SEC23B: variants seen among roughly 807,000 people sequenced by gnomAD.
SEC23B encodes protein transport protein Sec23B.
Under a neutral mutation model 104.3 loss-of-function variants are expected in SEC23B, and 77 were observed. The ratio of observed to expected loss-of-function variants is 0.74; its 90% confidence interval spans 0.61 to 0.89. The LOEUF (loss-of-function observed/expected upper bound fraction) is 0.89, where lower values mean the gene tolerates loss of function less well. Among genes scored for constraint, SEC23B ranks in the 40% least tolerant of loss-of-function variants. The pLI, the probability that SEC23B is intolerant of heterozygous loss-of-function variation, is 0.00. For synonymous variants in SEC23B, 338 were observed against 332.5 expected, an observed-to-expected ratio of 1.02 and a Z score of -0.18; for missense variants, 885 against 949.4, an observed-to-expected ratio of 0.93 and a Z score of 0.89.
At chr20:18,554,865 G>A (rs1212183454) in intron 18 of SEC23B, among the ~76,000 whole-genome samples, 1 of 150,584 alleles carries the variant, frequency 6.6e-6, no homozygotes, top group Admixed American at 6.6e-5. Context: ...ATGTGCTTAT[G>A]TAAAGGGATT....
At chr20:18,525,970 A>G in intron 7 of SEC23B, 38 bp downstream of exon 7, 7 of 1,603,674 alleles carry the variant, frequency 4.4e-6, no homozygotes, top group African/African-American at 1.3e-5. Flanking sequence ...AAATCATACA[A>G]ATGTGCTCTC....
chr20:18,527,478 G>A lies in SEC23B; in HGVS notation c.994-18G>A. The A allele has an allele frequency of 7.0e-7, 1 of 1,420,344 alleles. No homozygotes were observed. Among genetic ancestry groups the A allele is most frequent in the Non-Finnish European group, 1.0e-6 (1 of 1,003,094 alleles). 88.0% of individuals were successfully genotyped at this position (1,420,344 alleles called of 1,614,324 possible). On this transcript the variant is annotated intron_variant, in intron 8 of 19. Transcript: ENST00000650089. ...ATAATGTCACTGTTTCCTAAAGATAGCTTTCCTCTCTTCACAGCACTATGA... is the reference window on the plus strand; with the variant it reads ...ATAATGTCACTGTTTCCTAAAGATAACTTTCCTCTCTTCACAGCACTATGA...
chr20:18,561,087 G>A lies in SEC23B; in HGVS notation c.*347G>A. 3.0e-6 allele frequency: 1 copy of A among 328,732 alleles called. No homozygotes were observed. The allele number at this position is 328,732 out of a possible 1,614,324, so 20.4% of individuals were successfully genotyped here. ...AATAAATCTAGATGCAGAAAGTACT[G>A]GCTAAAATATTGCTAATACAAATGT... On this transcript the variant is annotated 3_prime_UTR_variant, in exon 20 of 20. Transcript: ENST00000650089.
intron 12 of SEC23B, among the ~76,000 whole-genome samples, chr20:18,542,019 C>T (rs372556167): frequency 2.0e-5 from 3 of 152,198 alleles, no homozygotes; most frequent in East Asian, 3.8e-4. Flanking sequence ...CGTTTTGCTG[C>T]ATTTCAAAAC....
At position 18,535,944 on chromosome 20, in the gene SEC23B, T is replaced by C. The variant is rs6035066; in HGVS notation, c.1404+202T>C. On this transcript the variant is annotated intron_variant, in intron 12 of 19. Transcript: ENST00000650089. ...GTCAGGCAACAAATTACTTTTGTCC[T>C]TTTATTGTTGAACTGATAAGGTCAT... Among the ~76,000 whole-genome samples the C allele has an allele frequency of 0.92, 140,692 of 152,268 alleles. 65,904 individuals are homozygous for C. The highest frequency in any genetic ancestry group is 1 in the East Asian group (5,190 of 5,190).
chr20:18,527,703 C>A, intron 9 of SEC23B, 92 bp downstream of exon 9: 1 of 854,730 alleles, frequency 1.2e-6, no homozygotes, highest in Non-Finnish European at 2.0e-6. Context: ...GCAAGGCCAA[C>A]TCAGAGAAGC....
intron 10 of SEC23B, among the ~76,000 whole-genome samples, chr20:18,531,041 G>A (rs557788970): frequency 6.1e-4 from 93 of 152,358 alleles, no homozygotes; most frequent in African/African-American, 2.2e-3. Flanking sequence ...GCATGTAAAA[G>A]CCAATTAAAA....
chr20:18,528,103 TGTG>T (rs2060149643), intron 9 of SEC23B, among the ~76,000 whole-genome samples: 4 of 152,164 alleles, frequency 2.6e-5, no homozygotes, highest in South Asian at 4.1e-4. Flanking sequence ...GTTCTCAACA[TGTG>T]GTGGTGTCCA....
At position 18,555,127 on chromosome 20, in the gene SEC23B, A is replaced by C; in HGVS notation, c.2168A>C (p.Lys723Thr). The change falls in exon 19 of 20, where the codon AAA (lysine) becomes ACA (threonine). Residue 723 changes from lysine to threonine, a missense_variant. Lys to Thr is a moderately conservative substitution (Grantham distance 78). Coordinates refer to ENST00000650089, the MANE Select transcript of SEC23B (RefSeq NM_006363.6). The part of the protein sequence containing the change: ...GGSQARFLLS[K>T]VNPSQTHNNL... The stretch of plus-strand genomic sequence containing the variant: ...TTAAAGGCTCGATTCCTTTTGTCCA[A>C]AGTGAACCCATCTCAGACACACAAT... 1 of 1,613,900 alleles carries C rather than the reference A, an allele frequency of 6.2e-7. No homozygotes were observed. The highest frequency in any genetic ancestry group is 8.5e-7 in the Non-Finnish European group (1 of 1,179,858).
intron 4 of SEC23B, among the ~76,000 whole-genome samples, chr20:18,520,743 G>C (rs1321750949): frequency 6.6e-6 from 1 of 151,986 alleles, no homozygotes; most frequent in African/African-American, 2.4e-5. Flanking sequence ...ATGTGGAGTG[G>C]GTAGCCTCTG....
At chr20:18,541,360 A>G (rs186886196) in intron 12 of SEC23B, among the ~76,000 whole-genome samples, 263 of 152,370 alleles carry the variant, frequency 1.7e-3, no homozygotes, top group Middle Eastern at 0.01. Flanking sequence ...TCCTTCAAGA[A>G]CTTTTTCTTT....
At position 18,556,324 on chromosome 20, in the gene SEC23B, G is replaced by GCAAA. The variant is rs879561168; in HGVS notation, c.2214+1151_2214+1152insCAAA. ...TTATATGCAAATGCTACACCATTTT[G>GCAAA]TATTAGGGACTTGAGCATTTGTGGA... On this transcript the variant is annotated intron_variant, in intron 19 of 19. Transcript: ENST00000650089. Among the ~76,000 whole-genome samples the GCAAA allele has an allele frequency of 6.2e-3, 944 of 152,298 alleles. 12 individuals carry two copies. The highest frequency in any genetic ancestry group is 0.022 in the African/African-American group (904 of 41,570).
intron 12 of SEC23B, among the ~76,000 whole-genome samples, chr20:18,538,943 C>T (rs553330321): frequency 1.2e-4 from 19 of 152,092 alleles, no homozygotes; most frequent in South Asian, 4.2e-4. Flanking sequence ...TGATGGCTCC[C>T]GCCTGTAATC....
At chr20:18,521,637 G>C (rs1316457570) in intron 4 of SEC23B, among the ~76,000 whole-genome samples, 1 of 152,148 alleles carries the variant, frequency 6.6e-6, no homozygotes, top group Non-Finnish European at 1.5e-5. Context: ...AAGATTATAG[G>C]GTGGGGGAGC....
rs142461689 is a variant in SEC23B, at chr20:18,530,768, T to G, written c.1198T>G (p.Phe400Val). 4 of 1,613,790 alleles carry G rather than the reference T, an allele frequency of 2.5e-6. No individual in the cohort carries two copies. Among genetic ancestry groups the G allele is most frequent in the Non-Finnish European group, 2.5e-6 (3 of 1,179,760 alleles). ...RIFTKDFNGD[F>V]RMAFGATLDV... Reference sequence around the variant, plus strand: ...CTTTACTAAAGATTTTAATGGAGATTTCCGAATGGCATTTGGTGCTACTTT... The same window carrying G: ...CTTTACTAAAGATTTTAATGGAGATGTCCGAATGGCATTTGGTGCTACTTT... Residue 400 changes from phenylalanine (F) to valine (V), a missense_variant, in exon 10 of 20, where the codon TTC (phenylalanine) becomes GTC (valine). By Grantham distance (50) the Phe-to-Val change is conservative (BLOSUM62 -1). Coordinates refer to ENST00000650089, the MANE Select transcript of SEC23B (RefSeq NM_006363.6).
At chr20:18,536,940 T>G (rs1261017008) in intron 12 of SEC23B, among the ~76,000 whole-genome samples, 1 of 152,200 alleles carries the variant, frequency 6.6e-6, no homozygotes, top group Non-Finnish European at 1.5e-5. Context: ...GTCTTCATAC[T>G]CTCATCTTCA....
Position 18,525,842 on chromosome 20 carries a change from G to A in SEC23B, c.744G>A (p.Glu248=). 1.2e-6 allele frequency: 2 copies of A among 1,614,160 alleles called. No individual in the cohort carries two copies. The highest frequency in any genetic ancestry group is 4.5e-5 in the East Asian group (2 of 44,876). Reference sequence around the variant, plus strand: ...TGAACCTCACTGATCTTCTTGGGGAGCTACAGAGGGACCCATGGCCAGTAA... The same window carrying A: ...TGAACCTCACTGATCTTCTTGGGGAACTACAGAGGGACCCATGGCCAGTAA... ...IDMNLTDLLG[E]LQRDPWPVTQ... The change falls in exon 7 of 20, where the codon GAG becomes GAA. Residue 248 remains glutamate, a synonymous_variant. Coordinates refer to ENST00000650089, the MANE Select transcript of SEC23B (RefSeq NM_006363.6).
intron 19 of SEC23B, among the ~76,000 whole-genome samples, chr20:18,558,076 G>A (rs2060457920): frequency 1.3e-5 from 2 of 152,038 alleles, no homozygotes; most frequent in Admixed American, 1.3e-4. Context: ...TTTTAGCATA[G>A]GTCTTCTGGT....
chr20:18,556,145 T>C (rs1429785274), intron 19 of SEC23B, among the ~76,000 whole-genome samples: 1 of 152,068 alleles, frequency 6.6e-6, no homozygotes, highest in Non-Finnish European at 1.5e-5. Flanking sequence ...ATGCACGTGA[T>C]GGGGGAGCAG....
Sources: gnomAD v4.1 joint callset for allele counts (sites outside exome capture counted in the v4.1 genomes callset) on GRCh38, gnomAD v4.1.1 for gene constraint, MANE v1.5 for transcripts, NCBI Gene and HGNC (gene_info 2026-07-23, HGNC 2026-07-21) for gene names.